NATD1: variants seen among roughly 807,000 people sequenced by gnomAD.
NATD1 encodes the protein N-acetyltransferase domain containing 1.
A neutral mutation model predicts 12.0 loss-of-function variants in NATD1; 9 were observed. The ratio of observed to expected loss-of-function variants is 0.75; its 90% CI spans 0.45 to 1.30. The LOEUF is 1.30. Among genes scored for constraint, NATD1 ranks in the 50% most tolerant of loss-of-function variants. NATD1 has a pLI of 0.00. For missense variants in NATD1, 148 were observed against 148.5 expected (o/e 1.00, Z 0.02); for synonymous variants, 71 against 65.9 (o/e 1.08, Z -0.37).
intron 2 of NATD1, among the ~76,000 whole-genome samples, chr17:21,243,830 G>A (rs1477402899): frequency 6.6e-6 from 1 of 152,172 alleles, no homozygotes; most frequent in Non-Finnish European, 1.5e-5. Context: ...GGCAGCCTGG[G>A]GTTTGGGATG....
intron 1 of NATD1, 41 bp downstream of exon 1, chr17:21,253,118 G>C: frequency 2.1e-6 from 2 of 975,130 alleles, no homozygotes; most frequent in Non-Finnish European, 2.4e-6. Flanking sequence ...GGCCCCGCTC[G>C]CTCGCAGACA....
At chr17:21,243,512 G>A (rs1007625516) in intron 2 of NATD1, 83 bp from the exon 3 acceptor site, 7 of 1,058,794 alleles carry the variant, frequency 6.6e-6, no homozygotes, top group African/African-American at 3.2e-5. Context: ...CCCCAGGCCC[G>A]GCTCCCTGGC....
chr17:21,248,798 G>A (rs978792625), intron 1 of NATD1, among the ~76,000 whole-genome samples: 1 of 152,164 alleles, frequency 6.6e-6, no homozygotes, highest in African/African-American at 2.4e-5. Context: ...GCAAGCCTAG[G>A]GCAGGGCAGG....
At chr17:21,243,555 C>G in intron 2 of NATD1, 126 bp from the exon 3 acceptor site, 2 of 677,128 alleles carry the variant, frequency 3.0e-6, no homozygotes, top group South Asian at 1.8e-5. Context: ...CAGTAACTCC[C>G]TTGAGTTTCA....
chr17:21,243,338 T>C lies in NATD1; in HGVS notation c.317A>G (p.Gln106Arg), dbSNP rs1975295312. The change falls in exon 3 of 3, where the codon CAG becomes CGG. Residue 106 changes from glutamine (Q) to arginine (R), a missense_variant. By Grantham distance (43) the Gln-to-Arg change is conservative. Coordinates refer to ENST00000611551, the MANE Select transcript of NATD1 (RefSeq NM_152914.3). ...QKYVKENPLP[Q>R]YLERLQP The stretch of plus-strand genomic sequence containing the variant: ...TTACGGCTGCAGGCGCTCCAGGTAC[T>C]GCGGCAGGGGGTTCTCCTTGACGTA... 1 of 1,613,050 alleles carries C rather than the reference T, an allele frequency of 6.2e-7. No individual in the cohort carries two copies. The highest frequency in any genetic ancestry group is 8.5e-7 in the Non-Finnish European group (1 of 1,179,900).
rs1487107468 is a variant in NATD1 at position 21,253,207 on chromosome 17, G to T, written c.58C>A (p.Arg20Ser). Residue 20 changes from arginine (R) to serine (S), a missense_variant, in exon 1 of 3, where the codon CGC (arginine) becomes AGC (serine). Arg to Ser is a moderately radical substitution (Grantham distance 110, BLOSUM62 -1). Coordinates refer to ENST00000611551, the MANE Select transcript of NATD1 (RefSeq NM_152914.3). Reference protein sequence around the residue: ...LGALEQGCPIRVEHDRRRRQF... With the variant: ...LGALEQGCPISVEHDRRRRQF... The stretch of plus-strand genomic sequence containing the variant: ...CGGCGCCGGCGGTCGTGCTCCACGC[G>T]GATGGGGCAGCCCTGCTCCAGCGCG... The T allele has an allele frequency of 1.9e-5, 19 of 1,012,882 alleles. No homozygotes were observed. Among genetic ancestry groups the T allele is most frequent in the Non-Finnish European group, 2.1e-5 (18 of 849,486 alleles). 62.7% of individuals were successfully genotyped at this position (1,012,882 alleles called of 1,614,324 possible).
intron 1 of NATD1, among the ~76,000 whole-genome samples, chr17:21,252,754 C>T (rs1200970464): frequency 6.6e-6 from 1 of 152,164 alleles, no homozygotes; most frequent in Admixed American, 6.5e-5. Context: ...CAAACAGGAG[C>T]CTTCAGTGGG....
chr17:21,251,150 A>G (rs1301005158), intron 1 of NATD1, among the ~76,000 whole-genome samples: 1 of 152,086 alleles, frequency 6.6e-6, no homozygotes, highest in East Asian at 1.9e-4. Flanking sequence ...GGAGATGCCC[A>G]GCCACATCTG....
intron 1 of NATD1, among the ~76,000 whole-genome samples, chr17:21,251,097 G>C (rs1019502605): frequency 9.9e-5 from 15 of 152,040 alleles, no homozygotes; most frequent in Admixed American, 4.6e-4. Context: ...ACTCCCTTGG[G>C]GGCCTCTGGC....
intron 1 of NATD1, among the ~76,000 whole-genome samples, chr17:21,245,065 A>G (rs889160239): frequency 2.0e-5 from 3 of 152,204 alleles, no homozygotes. Flanking sequence ...GAAAGAGAAT[A>G]AACATGAAAA....
chr17:21,239,915 T>A lies in NATD1; in HGVS notation c.*3398A>T, dbSNP rs1174293199. ...CCCTCCCTCAGTAGCTGGGGCGGAATGAGATATGGCCCTGGGCCTGGTGCA... is the reference window on the plus strand; with the variant it reads ...CCCTCCCTCAGTAGCTGGGGCGGAAAGAGATATGGCCCTGGGCCTGGTGCA... On this transcript the variant is annotated 3_prime_UTR_variant, in exon 3 of 3. Transcript: ENST00000611551. The A allele has an allele frequency of 6.6e-6, 1 of 152,176 alleles. No homozygotes were observed. Among genetic ancestry groups the A allele is most frequent in the African/African-American group, 2.4e-5 (1 of 41,434 alleles). The allele number at this position is 152,176 out of a possible 1,614,324, so 9.4% of individuals were successfully genotyped here.
chr17:21,240,481 G>A lies in NATD1; in HGVS notation c.*2832C>T, dbSNP rs547555141. ...TGCATGCCAGGCCACACCTTTTATG[G>A]AAATGTTCCTCTGAGACCTGTTGAT... On this transcript the variant is annotated 3_prime_UTR_variant, in exon 3 of 3. Transcript: ENST00000611551. 1 of 152,774 alleles carries A rather than the reference G, an allele frequency of 6.5e-6. No individual in the cohort carries two copies. Among genetic ancestry groups the A allele is most frequent in the South Asian group, 2.1e-4 (1 of 4,834 alleles). 9.5% of individuals were successfully genotyped at this position (152,774 alleles called of 1,614,324 possible).
intron 1 of NATD1, among the ~76,000 whole-genome samples, chr17:21,248,794 C>T (rs973657750): frequency 2.6e-5 from 4 of 152,170 alleles, no homozygotes; most frequent in Admixed American, 6.5e-5. Context: ...AGGAGCAAGC[C>T]TAGGGCAGGG....
At chr17:21,246,751 A>G (rs2144362806) in intron 1 of NATD1, among the ~76,000 whole-genome samples, 1 of 152,170 alleles carries the variant, frequency 6.6e-6, no homozygotes, top group Non-Finnish European at 1.5e-5. Flanking sequence ...AAGGATCACT[A>G]TACAGCAGAG....
chr17:21,252,679 C>A (rs898990928), intron 1 of NATD1, among the ~76,000 whole-genome samples: 12 of 152,150 alleles, frequency 7.9e-5, no homozygotes, highest in South Asian at 4.2e-4. Flanking sequence ...TTCCCAGGGG[C>A]AGCAGGAAGC....
At position 21,242,937 on chromosome 17, in the gene NATD1, G is replaced by C. The variant is rs1975289771; in HGVS notation, c.*376C>G. The C allele has an allele frequency of 5.6e-6, 1 of 177,028 alleles. No individual in the cohort carries two copies. The highest frequency in any genetic ancestry group is 1.7e-4 in the South Asian group (1 of 5,768). The allele number at this position is 177,028 out of a possible 1,614,324, so 11.0% of individuals were successfully genotyped here. A position where few individuals can be genotyped will look rare whatever the true frequency, so the allele number is the denominator to read the frequency against. On this transcript the variant is annotated 3_prime_UTR_variant, in exon 3 of 3. Coordinates refer to ENST00000611551, the MANE Select transcript of NATD1 (RefSeq NM_152914.3). ...AGCACACCTTCTTAATTTCCAGAAA[G>C]GACACAGGCCCAGGAGAGGTGGCAG...
chr17:21,243,546 A>G (rs774823637), intron 2 of NATD1, 117 bp from the exon 3 acceptor site: 13 of 718,610 alleles, frequency 1.8e-5, no homozygotes, highest in Admixed American at 5.3e-5. Context: ...TGCCCAGGTC[A>G]GTAACTCCCT....
Position 21,253,343 on chromosome 17 carries a change from C to T in NATD1, c.-79G>A. On this transcript the variant is annotated 5_prime_UTR_variant, in exon 1 of 3. Transcript: ENST00000611551. ...GGTCAGGCGCGCGGCGGGGCTGGAGCGCGGGCGCAGGCGGCAGGCGGTGGG... is the reference window on the plus strand; with the variant it reads ...GGTCAGGCGCGCGGCGGGGCTGGAGTGCGGGCGCAGGCGGCAGGCGGTGGG... 5.1e-6 allele frequency: 3 copies of T among 589,358 alleles called. No individual in the cohort carries two copies. Among genetic ancestry groups the T allele is most frequent in the South Asian group, 7.0e-5 (1 of 14,202 alleles). The allele number at this position is 589,358 out of a possible 1,614,324, so 36.5% of individuals were successfully genotyped here.
intron 1 of NATD1, among the ~76,000 whole-genome samples, chr17:21,245,022 A>G (rs974508849): frequency 1.3e-5 from 2 of 152,220 alleles, no homozygotes; most frequent in Admixed American, 6.5e-5. Context: ...CAAGCTAGAC[A>G]TGGAGTCCTA....
Sources: gnomAD v4.1 joint callset for allele counts (sites outside exome capture counted in the v4.1 genomes callset) on GRCh38, gnomAD v4.1.1 for gene constraint, MANE v1.5 for transcripts, NCBI Gene and HGNC (gene_info 2026-07-23, HGNC 2026-07-21) for gene names.